ARHGEF3: variants seen among roughly 807,000 people sequenced by gnomAD.
The protein encoded by ARHGEF3 is 59.8 kDA protein.
A neutral mutation model predicts 63.2 loss-of-function variants in ARHGEF3; 28 were observed. The ratio of observed to expected loss-of-function variants is 0.44; its 90% CI spans 0.33 to 0.61. ARHGEF3 has a LOEUF of 0.61. Among genes scored for constraint, ARHGEF3 ranks in the 20% least tolerant of loss-of-function variants. The pLI is 0.03. For missense variants in ARHGEF3, 533 were observed against 659.3 expected, an observed-to-expected ratio of 0.81 and a Z score of 2.10; for synonymous variants, 266 against 254.2, an observed-to-expected ratio of 1.05 and a Z score of -0.44.
chr3:56,794,692 T>C (rs2037260195), intron 1 of ARHGEF3, among the ~76,000 whole-genome samples: 1 of 152,156 alleles, frequency 6.6e-6, no homozygotes, highest in Non-Finnish European at 1.5e-5. Flanking sequence ...TAAAATGGCA[T>C]ACTGTTTGCC....
intron 1 of ARHGEF3, chr3:57,073,312 T>G (rs923126959): frequency 3.4e-5 from 6 of 177,134 alleles, no homozygotes; most frequent in Admixed American, 2.8e-4. Context: ...TTCTGATATG[T>G]TTACGTTTAT....
intron 3 of ARHGEF3, among the ~76,000 whole-genome samples, chr3:56,889,090 TG>T (rs2041025793): frequency 6.6e-6 from 1 of 151,952 alleles, no homozygotes; most frequent in Non-Finnish European, 1.5e-5. Context: ...CCTGCTAGCT[TG>T]ACCTTCACCT....
chr3:56,991,771 C>T (rs1279103726), intron 2 of ARHGEF3, among the ~76,000 whole-genome samples: 3 of 152,052 alleles, frequency 2.0e-5, no homozygotes, highest in East Asian at 1.9e-4. Flanking sequence ...CATGCCACCA[C>T]GAGCAGCTAA....
intron 4 of ARHGEF3, among the ~76,000 whole-genome samples, chr3:56,876,941 T>C (rs767643888): frequency 6.6e-6 from 1 of 152,210 alleles, no homozygotes; most frequent in Non-Finnish European, 1.5e-5. Context: ...GGACTGGTCA[T>C]GCAGTCGGAA....
intron 1 of ARHGEF3, among the ~76,000 whole-genome samples, chr3:57,064,034 AG>A (rs1422255723): frequency 6.6e-6 from 1 of 152,224 alleles, no homozygotes; most frequent in Non-Finnish European, 1.5e-5. Flanking sequence ...TGGGAGGCCC[AG>A]GGAGGGGGAC....
Position 56,760,414 on chromosome 3 carries a change from G to A in ARHGEF3, c.205-5263C>T, listed in dbSNP as rs147351411. ...AGAGTTGGAGATTGTCTTCTGCTGC[G>A]GCATGGGAAAAAAGAGAGCAGTAAG... On this transcript the variant is annotated intron_variant, in intron 2 of 9. Transcript: ENST00000296315. Among the ~76,000 whole-genome samples, 81 of 152,142 alleles carry A rather than the reference G, an allele frequency of 5.3e-4. No homozygotes were observed. In the East Asian group the frequency reaches 0.013, roughly 25 times the overall value.
chr3:56,847,543 A>T (rs1399452624), intron 4 of ARHGEF3, among the ~76,000 whole-genome samples: 1 of 152,160 alleles, frequency 6.6e-6, no homozygotes, highest in Non-Finnish European at 1.5e-5. Flanking sequence ...AAAGTTGAGA[A>T]GTCTTTAAGA....
At chr3:57,064,906 A>G (rs1705439151) in intron 1 of ARHGEF3, among the ~76,000 whole-genome samples, 1 of 152,246 alleles carries the variant, frequency 6.6e-6, no homozygotes, top group South Asian at 2.1e-4. Flanking sequence ...GAAAACTTAA[A>G]AATAGTCAAC....
At chr3:56,955,439 A>G (rs9822674) in intron 3 of ARHGEF3, among the ~76,000 whole-genome samples, 116,579 of 151,812 alleles carry the variant, frequency 0.77, 45,843 homozygotes, top group Middle Eastern at 0.85. Context: ...CTGGGCTCAA[A>G]TGATTCTCCT....
chr3:57,002,857 T>C (rs1702312330), intron 2 of ARHGEF3, among the ~76,000 whole-genome samples: 2 of 148,660 alleles, frequency 1.3e-5, no homozygotes, highest in Non-Finnish European at 3.0e-5. Context: ...CACTGCAACC[T>C]CCACCTCCCG....
intron 1 of ARHGEF3, among the ~76,000 whole-genome samples, chr3:57,047,585 G>A (rs887314703): frequency 2.0e-5 from 3 of 152,108 alleles, no homozygotes; most frequent in Non-Finnish European, 2.9e-5. Context: ...TAAGCAAAGA[G>A]CCCAGCACAG....
chr3:56,935,543 T>G (rs1698850780), intron 3 of ARHGEF3, among the ~76,000 whole-genome samples: 1 of 152,108 alleles, frequency 6.6e-6, no homozygotes, highest in South Asian at 2.1e-4. Flanking sequence ...ACCGTGAAGA[T>G]CTGCAGCTTC....
intron 3 of ARHGEF3, among the ~76,000 whole-genome samples, chr3:56,931,948 T>C (rs2042422755): frequency 6.6e-6 from 1 of 152,230 alleles, no homozygotes; most frequent in African/African-American, 2.4e-5. Flanking sequence ...GTAAGATTTA[T>C]GGGGTTTTTT....
intron 2 of ARHGEF3, among the ~76,000 whole-genome samples, chr3:56,761,853 C>T (rs1015968523): frequency 2.0e-5 from 3 of 152,132 alleles, no homozygotes; most frequent in African/African-American, 7.2e-5. Flanking sequence ...AACCTCCCTG[C>T]CCCAATATTT....
At chr3:56,816,542 G>A (rs1460507039) in intron 4 of ARHGEF3, among the ~76,000 whole-genome samples, 1 of 152,142 alleles carries the variant, frequency 6.6e-6, no homozygotes, top group Non-Finnish European at 1.5e-5. Context: ...CATCCCCATT[G>A]CCAAAAGATG....
intron 4 of ARHGEF3, among the ~76,000 whole-genome samples, chr3:56,880,350 AAGCCAAATT>A (rs2040726736): frequency 1.3e-5 from 2 of 152,246 alleles, no homozygotes; most frequent in South Asian, 4.1e-4. Context: ...AGGAGAAAAG[AAGCCAAATT>A]ATCCACAGTC....
At chr3:56,838,228 G>A (rs1291211475) in intron 4 of ARHGEF3, among the ~76,000 whole-genome samples, 1 of 152,094 alleles carries the variant, frequency 6.6e-6, no homozygotes, top group Admixed American at 6.6e-5. Context: ...AAAAAATACT[G>A]TGGGGGGGAA....
At chr3:57,022,735 C>T (rs1024750497) in intron 2 of ARHGEF3, among the ~76,000 whole-genome samples, 2 of 151,684 alleles carry the variant, frequency 1.3e-5, no homozygotes, top group South Asian at 2.1e-4. Context: ...CCTAGGAGGA[C>T]CCTGTTTTTT....
Position 56,913,172 on chromosome 3 carries a change from CA to C in ARHGEF3, c.130-30819del, listed in dbSNP as rs1553778690. On this transcript the variant is annotated intron_variant, in intron 3 of 12. Coordinates refer to the ARHGEF3 transcript ENST00000338458. ...CTAAAAAAAAAAACAACAACAACAA[CA>C]AAAAAAACTATGTCTAAACAATGTC... 9.0e-5 allele frequency among the ~76,000 whole-genome samples: 4 copies of C among 44,286 alleles called. No homozygotes were observed. The East Asian group carries it at 2.4e-3, about 27-fold the overall frequency. 29.1% of individuals were successfully genotyped at this position (44,286 alleles called of 152,430 possible). A position where few individuals can be genotyped will look rare whatever the true frequency, so the allele number is the denominator to read the frequency against.
Sources: allele counts gnomAD v4.1 joint callset (sites outside exome capture counted in the v4.1 genomes callset), GRCh38; gene constraint gnomAD v4.1.1; transcripts MANE v1.5; gene names NCBI Gene and HGNC (gene_info 2026-07-23, HGNC 2026-07-21).